The following TAFA1 variants were observed in gnomAD, a reference collection of about 807,000 sequenced individuals.
TAFA1 encodes TAFA chemokine like family member 1.
Under a neutral mutation model 18.5 loss-of-function variants are expected in TAFA1, and 4 were observed. The observed-to-expected ratio is 0.22, with a 90% confidence interval of 0.11 to 0.49. The LOEUF (loss-of-function observed/expected upper bound fraction) is 0.49. Ranked by LOEUF, TAFA1 falls within the 20% of genes least tolerant of loss-of-function variation. The pLI is 0.98. For missense variants in TAFA1, 147 were observed against 169.0 expected, an observed-to-expected ratio of 0.87 and a Z score of 0.72; for synonymous variants, 56 against 55.2, an observed-to-expected ratio of 1.01 and a Z score of -0.06.
At chr3:68,145,109 G>GT in intron 2 of TAFA1, 1 of 1,048,210 alleles carries the variant, frequency 9.5e-7, no homozygotes, top group South Asian at 1.3e-5. Context: ...TACACCCCCA[G>GT]TGTATGGTCA....
chr3:68,026,324 T>C (rs778474420), intron 2 of TAFA1, among the ~76,000 whole-genome samples: 14 of 152,034 alleles, frequency 9.2e-5, no homozygotes, highest in Non-Finnish European at 1.9e-4. Context: ...GCTGATATTA[T>C]GGCCAATGGA....
At chr3:68,225,931 T>C (rs1390200895) in intron 2 of TAFA1, among the ~76,000 whole-genome samples, 1 of 151,944 alleles carries the variant, frequency 6.6e-6, no homozygotes, top group Admixed American at 6.6e-5. Flanking sequence ...ACCATCAATA[T>C]GGAGAGATAA....
At chr3:67,996,362 A>G in the TAFA1 span, among the ~76,000 whole-genome samples, 1 of 152,252 alleles carries the variant, frequency 6.6e-6, no homozygotes, top group Non-Finnish European at 1.5e-5. Flanking sequence ...AAATAATTAC[A>G]TATTTTCAAG....
At chr3:68,291,329 C>G (rs1168895892) in intron 2 of TAFA1, among the ~76,000 whole-genome samples, 3 of 152,076 alleles carry the variant, frequency 2.0e-5, no homozygotes, top group Non-Finnish European at 4.4e-5. Context: ...ATCTAGAAGG[C>G]ACTTAAGAAA....
intron 2 of TAFA1, among the ~76,000 whole-genome samples, chr3:68,332,392 A>G (rs1187671944): frequency 6.6e-6 from 1 of 152,170 alleles, no homozygotes; most frequent in Non-Finnish European, 1.5e-5. Flanking sequence ...GCAAAAAAAT[A>G]AAAAGCAAAA....
chr3:68,180,201 T>A (rs1175013842), intron 2 of TAFA1, among the ~76,000 whole-genome samples: 2 of 918 alleles, frequency 2.2e-3, no homozygotes, highest in African/African-American at 3.4e-3. Flanking sequence ...CCTGGCTAAT[T>A]TTTTTTTTTT....
chr3:68,066,624 C>T (rs2064682152), intron 2 of TAFA1, among the ~76,000 whole-genome samples: 1 of 152,194 alleles, frequency 6.6e-6, no homozygotes, highest in South Asian at 2.1e-4. Flanking sequence ...GAGAATTCAA[C>T]TGTAGGTTGA....
chr3:68,432,645 A>G (rs2071198654), intron 3 of TAFA1, among the ~76,000 whole-genome samples: 1 of 152,052 alleles, frequency 6.6e-6, no homozygotes. Context: ...ATCAGGCATG[A>G]TAAGAGGAGA....
In TAFA1 at chr3:68,146,661, A is replaced by G. The variant is rs1345419877; in HGVS notation, c.118+139917A>G. On this transcript the variant is annotated intron_variant, in intron 2 of 4. Coordinates refer to ENST00000478136, the MANE Select transcript of TAFA1 (RefSeq NM_213609.4). ...CCTTAAGTAATCTACAAATATCTTAAGACTAGATTAGAATCTCATGGGTGG... is the reference window on the plus strand; with the variant it reads ...CCTTAAGTAATCTACAAATATCTTAGGACTAGATTAGAATCTCATGGGTGG... 2.0e-5 allele frequency among the ~76,000 whole-genome samples: 3 copies of G among 152,226 alleles called. No individual in the cohort carries two copies. The East Asian group carries it at 5.8e-4, about 29-fold the overall frequency.
At chr3:68,264,273 A>C (rs2067496812) in intron 2 of TAFA1, among the ~76,000 whole-genome samples, 1 of 152,202 alleles carries the variant, frequency 6.6e-6, no homozygotes, top group African/African-American at 2.4e-5. Flanking sequence ...CTGACTCAAA[A>C]AATAAATAAA....
the TAFA1 span, among the ~76,000 whole-genome samples, chr3:67,992,757 C>T: frequency 6.6e-6 from 1 of 152,212 alleles, no homozygotes; most frequent in African/African-American, 2.4e-5. Flanking sequence ...CTCCTTCTCT[C>T]TCTCCATCTT....
At chr3:68,195,226 T>G (rs1423876888) in intron 2 of TAFA1, among the ~76,000 whole-genome samples, 1 of 151,026 alleles carries the variant, frequency 6.6e-6, no homozygotes, top group Non-Finnish European at 1.5e-5. Flanking sequence ...ATGTTTAAAT[T>G]ACTACTTAAA....
intron 2 of TAFA1, among the ~76,000 whole-genome samples, chr3:68,380,164 T>G (rs149950871): frequency 0.02 from 2,974 of 152,254 alleles, 103 homozygotes; most frequent in African/African-American, 0.068. Context: ...ATCCAATCTA[T>G]CATTGTTGGA....
intron 2 of TAFA1, among the ~76,000 whole-genome samples, chr3:68,366,023 T>C (rs1350478592): frequency 1.4e-5 from 2 of 146,744 alleles, no homozygotes; most frequent in Non-Finnish European, 3.0e-5. Flanking sequence ...GAGGCAGAGG[T>C]TGCAGCAAGC....
intron 2 of TAFA1, among the ~76,000 whole-genome samples, chr3:68,211,473 G>A (rs2066595859): frequency 6.6e-6 from 1 of 152,002 alleles, no homozygotes; most frequent in South Asian, 2.1e-4. Context: ...TCTACCATCT[G>A]CTAGTCACCC....
At chr3:68,348,894 G>A (rs2069213153) in intron 2 of TAFA1, among the ~76,000 whole-genome samples, 1 of 151,996 alleles carries the variant, frequency 6.6e-6, no homozygotes, top group African/African-American at 2.4e-5. Flanking sequence ...ATATTAAAGA[G>A]GGGGTTGGGG....
the TAFA1 span, among the ~76,000 whole-genome samples, chr3:67,991,618 C>CT: frequency 6.6e-6 from 1 of 152,218 alleles, no homozygotes. Context: ...GCTCTCCAGC[C>CT]TTTGGACTTC....
intron 2 of TAFA1, among the ~76,000 whole-genome samples, chr3:68,089,390 C>T (rs1329783824): frequency 2.0e-5 from 3 of 152,098 alleles, no homozygotes; most frequent in Non-Finnish European, 4.4e-5. Context: ...CTCTTCATTA[C>T]AATGATGGAA....
intron 2 of TAFA1, among the ~76,000 whole-genome samples, chr3:68,078,807 A>G (rs1420802192): frequency 6.6e-6 from 1 of 152,240 alleles, no homozygotes; most frequent in East Asian, 1.9e-4. Flanking sequence ...CTTTGGTATC[A>G]GAATGATGCT....
Sources: allele counts gnomAD v4.1 joint callset (sites outside exome capture counted in the v4.1 genomes callset), GRCh38; gene constraint gnomAD v4.1.1; transcripts MANE v1.5; gene names NCBI Gene and HGNC (gene_info 2026-07-23, HGNC 2026-07-21).